The following NTRK1 variants were observed in gnomAD, a reference collection of about 807,000 sequenced individuals.
NTRK1 encodes neurotrophic receptor tyrosine kinase 1.
NTRK1 carries 62 observed loss-of-function variants against 86.8 expected under a neutral mutation model. The observed-to-expected ratio is 0.71, with a 90% confidence interval of 0.58 to 0.88. NTRK1 has a LOEUF of 0.88. NTRK1 is among the 40% of genes least tolerant of loss of function. The pLI, the probability that NTRK1 is intolerant of heterozygous loss-of-function variation, is 0.00. For synonymous variants in NTRK1, 469 were observed against 456.6 expected, an observed-to-expected ratio of 1.03 and a Z score of -0.35; for missense variants, 967 against 1,078.4, an observed-to-expected ratio of 0.90 and a Z score of 1.45.
rs11590051 is a variant in NTRK1, at chr1:156,848,855, T to G, written c.50+6662T>G. 2.6e-6 allele frequency: 4 copies of G among 1,520,216 alleles called. No individual in the cohort carries two copies. In the Admixed American group the frequency reaches 8.1e-5, roughly 31 times the overall value. 94.2% of individuals were successfully genotyped at this position (1,520,216 alleles called of 1,614,324 possible). A position where few individuals can be genotyped will look rare whatever the true frequency, so the allele number is the denominator to read the frequency against. The stretch of plus-strand genomic sequence containing the variant: ...TCGCTGAGCTCCGCCCTCACCTGCC[T>G]GTGGTCCCGAAGAAATTGGCCTCGT... On this transcript the variant is annotated intron_variant, in intron 2 of 16. Coordinates refer to the NTRK1 transcript ENST00000392302.
chr1:156,865,535 A>G (rs1299727668), intron 3 of NTRK1, among the ~76,000 whole-genome samples: 1 of 152,152 alleles, frequency 6.6e-6, no homozygotes, highest in Non-Finnish European at 1.5e-5. Context: ...GGTTCCTAAG[A>G]GACCACATAT....
chr1:156,823,740 GAGA>G (rs1320183952), intron 1 of NTRK1, among the ~76,000 whole-genome samples: 1 of 152,190 alleles, frequency 6.6e-6, no homozygotes, highest in Non-Finnish European at 1.5e-5. Context: ...GCACCTCAGT[GAGA>G]AGGTGTCCAT....
At position 156,844,602 on chromosome 1, in the gene NTRK1, G is replaced by T. The variant is rs760531063; in HGVS notation, c.50+2409G>T. Reference sequence around the variant, plus strand: ...CCCAAACTTCGCATATCGAAGACGGGACACACACAGCACTGTGGCCTCCTG... The same window carrying T: ...CCCAAACTTCGCATATCGAAGACGGTACACACACAGCACTGTGGCCTCCTG... On this transcript the variant is annotated intron_variant, in intron 2 of 16. Coordinates refer to the NTRK1 transcript ENST00000392302. The T allele has an allele frequency of 6.8e-6, 11 of 1,614,042 alleles. No homozygotes were observed. The Admixed American group carries it at 8.3e-5, about 12-fold the overall frequency.
intron 1 of NTRK1, among the ~76,000 whole-genome samples, chr1:156,836,253 G>T (rs1398706156): frequency 1.3e-5 from 2 of 152,178 alleles, no homozygotes; most frequent in African/African-American, 4.8e-5. Context: ...AGAGTTGGGG[G>T]CCACACCCAC....
intron 4 of NTRK1, among the ~76,000 whole-genome samples, chr1:156,867,774 C>A (rs968630757): frequency 1.3e-5 from 2 of 151,868 alleles, no homozygotes; most frequent in South Asian, 2.1e-4. Context: ...CCTGGGTTCA[C>A]GCCATTCTCC....
chr1:156,840,865 GGT>G, intron 1 of NTRK1: 1 of 1,600,956 alleles, frequency 6.2e-7, no homozygotes, highest in Non-Finnish European at 8.6e-7. Context: ...CAGGGAATGA[GGT>G]GCCCCTCAGT....
chr1:156,858,500 G>C, upstream of NTRK1: 2 of 1,547,100 alleles, frequency 1.3e-6, no homozygotes, highest in Non-Finnish European at 1.8e-6. Context: ...TGGCTGGGAG[G>C]GAGGTAGGGG....
In NTRK1 at chr1:156,871,772, G is replaced by T. The variant is rs1444246053; in HGVS notation, c.850+17G>T. ...ACGTCTCCTGTGAGTCTCAGTGGCAGCTCCGGCACCCACCCCCTACTCATC... is the reference window on the plus strand; with the variant it reads ...ACGTCTCCTGTGAGTCTCAGTGGCATCTCCGGCACCCACCCCCTACTCATC... On this transcript the variant is annotated intron_variant, in intron 7 of 16. Coordinates refer to ENST00000524377, the MANE Select transcript of NTRK1 (RefSeq NM_002529.4). 1 of 1,614,084 alleles carries T rather than the reference G, an allele frequency of 6.2e-7. No individual in the cohort carries two copies. The highest frequency in any genetic ancestry group is 2.2e-5 in the East Asian group (1 of 44,876).
chr1:156,843,373 C>T (rs988917281), intron 2 of NTRK1: 13 of 1,593,204 alleles, frequency 8.2e-6, no homozygotes, highest in Non-Finnish European at 1.0e-5. Flanking sequence ...TCTGTCTCTG[C>T]TCCTCTCCTG....
intron 2 of NTRK1, among the ~76,000 whole-genome samples, chr1:156,848,380 T>G (rs1003929693): frequency 2.6e-5 from 4 of 152,202 alleles, no homozygotes; most frequent in Non-Finnish European, 5.9e-5. Context: ...CCTCTAAGGA[T>G]ATCTCCTTTT....
rs200305545 is a variant in NTRK1 at position 156,871,723 on chromosome 1, G to C, written c.818G>C (p.Arg273Pro). Reference sequence around the variant, plus strand: ...TGCTGGGCAGAGAACGATGTGGGCCGGGCAGAGGTCTCTGTTCAGGTCAAC... The same window carrying C: ...TGCTGGGCAGAGAACGATGTGGGCCCGGCAGAGGTCTCTGTTCAGGTCAAC... ...VTCWAENDVG[R>P]AEVSVQVNVS... Residue 273 changes from arginine (R) to proline (P), a missense_variant, in exon 7 of 17, where the codon CGG (arginine) becomes CCG (proline). Transcript: ENST00000524377. 4.3e-6 allele frequency: 7 copies of C among 1,614,174 alleles called. No homozygotes were observed. Among genetic ancestry groups the C allele is most frequent in the Non-Finnish European group, 5.9e-6 (7 of 1,180,036 alleles).
chr1:156,854,262 G>A lies in NTRK1; in HGVS notation c.51-10092G>A, dbSNP rs140386495. On this transcript the variant is annotated intron_variant, in intron 2 of 16. Coordinates refer to the NTRK1 transcript ENST00000392302. The surrounding 1 kb of genome is among the most constrained non-coding windows in gnomAD (Gnocchi z 4.2). ...ACCACGCTGCAGTTCTCCAGCTGAC[G>A]AAGCTCTGCCACCTCTGAGCGAATA... 368 of 1,613,348 alleles carry A rather than the reference G, an allele frequency of 2.3e-4. No homozygotes were observed. Among genetic ancestry groups the A allele is most frequent in the Non-Finnish European group, 2.8e-4 (328 of 1,179,952 alleles).
rs79678945 is a variant in NTRK1, at chr1:156,864,395, G to A, written c.254G>A (p.Arg85His). 622 of 1,614,146 alleles carry A rather than the reference G, an allele frequency of 3.9e-4. 2 individuals are homozygous for A. In the African/African-American group the frequency reaches 7.0e-3, roughly 18 times the overall value. Residue 85 changes from arginine (R) to histidine (H), a missense_variant, in exon 2 of 17, where the codon CGT becomes CAT. Arg to His is a conservative substitution (Grantham distance 29). Coordinates refer to ENST00000524377, the MANE Select transcript of NTRK1 (RefSeq NM_002529.4). The part of the protein sequence containing the change: ...NQQHLQHLEL[R>H]DLRGLGELRN... The stretch of plus-strand genomic sequence containing the variant: ...CAGCATCTGCAGCATCTGGAGCTCC[G>A]TGATCTGAGGGGCCTGGGGGAGCTG...
intron 12 of NTRK1, 170 bp from the exon 13 acceptor site, chr1:156,875,910 C>G (rs972125417): frequency 1.7e-6 from 2 of 1,179,900 alleles, no homozygotes; most frequent in African/African-American, 3.0e-5. Flanking sequence ...AGGTGCAGCC[C>G]CACACTATGA....
At chr1:156,820,082 T>C (rs1466599610) in intron 1 of NTRK1, among the ~76,000 whole-genome samples, 1 of 152,210 alleles carries the variant, frequency 6.6e-6, no homozygotes, top group Non-Finnish European at 1.5e-5. Flanking sequence ...TTGGATGTTA[T>C]CTTCTAGAAT....
intron 2 of NTRK1, chr1:156,851,052 A>G (rs1655187274): frequency 1.8e-6 from 1 of 566,132 alleles, no homozygotes; most frequent in Admixed American, 2.9e-5. Flanking sequence ...GCATTGTTTT[A>G]TGTGCTTTAC....
At chr1:156,877,965 G>T (rs1648018479) in intron 14 of NTRK1, among the ~76,000 whole-genome samples, 1 of 152,180 alleles carries the variant, frequency 6.6e-6, no homozygotes, top group Non-Finnish European at 1.5e-5. Flanking sequence ...CCAGGGAGGA[G>T]CCTATCTCTT....
chr1:156,871,843 G>C, intron 7 of NTRK1, 88 bp downstream of exon 7: 1 of 1,567,542 alleles, frequency 6.4e-7, no homozygotes, highest in African/African-American at 1.3e-5. Flanking sequence ...CTGGAAGAAA[G>C]GGTGGGATGT....
intron 7 of NTRK1, among the ~76,000 whole-genome samples, chr1:156,872,786 C>T (rs928322456): frequency 2.0e-5 from 3 of 151,762 alleles, no homozygotes; most frequent in Non-Finnish European, 4.4e-5. Flanking sequence ...CGTCATTCTC[C>T]TGCTTCAGCC....
Sources: allele counts gnomAD v4.1 joint callset (sites outside exome capture counted in the v4.1 genomes callset), GRCh38; gene constraint gnomAD v4.1.1; non-coding constraint Gnocchi (gnomAD v3.1); transcripts MANE v1.5; gene names NCBI Gene and HGNC (gene_info 2026-07-23, HGNC 2026-07-21).